Variants in MYO6 observed in about 807,000 individuals in gnomAD.
The protein encoded by MYO6 is myosin VI.
In MYO6, 74 loss-of-function variants were observed where a neutral mutation model predicts 178.7. That is an observed-to-expected ratio of 0.41 (90% CI 0.34 to 0.50). MYO6 has a LOEUF of 0.50. Ranked by LOEUF, MYO6 falls within the 20% of genes least tolerant of loss-of-function variation. The pLI is 0.09. For synonymous variants in MYO6, 477 were observed against 504.6 expected, an observed-to-expected ratio of 0.95 and a Z score of 0.73; for missense variants, 1,330 against 1,547.4, an observed-to-expected ratio of 0.86 and a Z score of 2.36.
intron 13 of MYO6, among the ~76,000 whole-genome samples, chr6:75,857,598 CAA>C (rs1562253850): frequency 6.6e-6 from 1 of 151,944 alleles, no homozygotes; most frequent in South Asian, 2.1e-4. Context: ...GATTAAATAA[CAA>C]AAAAAGATAA....
intron 1 of MYO6, among the ~76,000 whole-genome samples, chr6:75,773,479 G>T (rs1227993263): frequency 6.6e-6 from 1 of 152,234 alleles, no homozygotes; most frequent in African/African-American, 2.4e-5. Flanking sequence ...GGTGAAAACA[G>T]TAGAAGGCTT....
chr6:75,847,753 A>G (rs1562242801), intron 10 of MYO6, among the ~76,000 whole-genome samples: 1 of 152,054 alleles, frequency 6.6e-6, no homozygotes, highest in Admixed American at 6.6e-5. Flanking sequence ...ACCCCTATTT[A>G]CTACAACTTA....
chr6:75,916,079 G>A lies in MYO6; in HGVS notation c.*1067G>A, dbSNP rs955156824. The A allele has an allele frequency of 1.3e-5, 2 of 152,146 alleles. No homozygotes were observed. The highest frequency in any genetic ancestry group is 4.8e-5 in the African/African-American group (2 of 41,412). 9.4% of individuals were successfully genotyped at this position (152,146 alleles called of 1,614,324 possible). On this transcript the variant is annotated 3_prime_UTR_variant, in exon 35 of 35. Transcript: ENST00000369977. The stretch of plus-strand genomic sequence containing the variant: ...GATAATTTTAAAATGTTTTCTTTGT[G>A]TGCTGTTAGTATTGATTCAAATGTC...
chr6:75,798,190 C>A (rs559325756), intron 1 of MYO6, among the ~76,000 whole-genome samples: 10 of 152,140 alleles, frequency 6.6e-5, no homozygotes, highest in Non-Finnish European at 1.3e-4. Flanking sequence ...CAGTTTCATT[C>A]TTCTGCATAT....
chr6:75,811,782 A>G (rs777069825), intron 1 of MYO6, among the ~76,000 whole-genome samples: 3 of 152,186 alleles, frequency 2.0e-5, no homozygotes, highest in Non-Finnish European at 2.9e-5. Context: ...AACAAGGGAT[A>G]TAGTGGGGAA....
At chr6:75,773,800 T>C (rs534024014) in intron 1 of MYO6, among the ~76,000 whole-genome samples, 1 of 152,222 alleles carries the variant, frequency 6.6e-6, no homozygotes, top group South Asian at 2.1e-4. Flanking sequence ...AATACCTCTG[T>C]GAACTAATCA....
At chr6:75,830,312 T>C in intron 4 of MYO6, 104 bp from the exon 5 acceptor site, 1 of 1,041,340 alleles carries the variant, frequency 9.6e-7, no homozygotes, top group Non-Finnish European at 1.5e-6. Flanking sequence ...CTTAGTTATA[T>C]AGATAATTGA....
intron 15 of MYO6, among the ~76,000 whole-genome samples, chr6:75,861,641 C>T (rs1220876171): frequency 6.6e-6 from 1 of 152,202 alleles, no homozygotes; most frequent in East Asian, 1.9e-4. Context: ...TTTCAGTCTT[C>T]CATTTCTTTC....
At chr6:75,791,879 C>T (rs1002846627) in intron 1 of MYO6, among the ~76,000 whole-genome samples, 1 of 152,092 alleles carries the variant, frequency 6.6e-6, no homozygotes, top group African/African-American at 2.4e-5. Context: ...TTTTTTGGAA[C>T]AGAAAATTGG....
intron 26 of MYO6, 27 bp downstream of exon 26, chr6:75,890,292 A>G: frequency 6.2e-7 from 1 of 1,612,790 alleles, no homozygotes; most frequent in Non-Finnish European, 8.5e-7. Flanking sequence ...ATTTTGAATA[A>G]GAGACTTAAA....
intron 11 of MYO6, among the ~76,000 whole-genome samples, chr6:75,851,079 CTT>C (rs1267128605): frequency 2.0e-5 from 3 of 152,000 alleles, no homozygotes; most frequent in Non-Finnish European, 4.4e-5. Flanking sequence ...AAAAAAAAGT[CTT>C]TACAATAATT....
intron 5 of MYO6, 97 bp downstream of exon 5, chr6:75,830,642 G>C (rs1772987960): frequency 8.2e-7 from 1 of 1,219,224 alleles, no homozygotes; most frequent in Non-Finnish European, 1.2e-6. Context: ...ACCATAAATT[G>C]AATATATATT....
At chr6:75,836,797 G>A (rs938797082) in intron 7 of MYO6, among the ~76,000 whole-genome samples, 3 of 152,002 alleles carry the variant, frequency 2.0e-5, no homozygotes, top group African/African-American at 7.2e-5. Context: ...TGGCCAGGCT[G>A]GTCTTGAACT....
intron 14 of MYO6, among the ~76,000 whole-genome samples, 163 bp downstream of exon 14, chr6:75,859,156 C>T (rs770339836): frequency 2.0e-5 from 3 of 152,090 alleles, no homozygotes; most frequent in African/African-American, 4.8e-5. Flanking sequence ...GGCTCAGGCA[C>T]GTCAGAAGTG....
chr6:75,911,555 T>C (rs1269659383), intron 32 of MYO6, 117 bp from the exon 33 acceptor site: 1 of 860,950 alleles, frequency 1.2e-6, no homozygotes, highest in African/African-American at 1.7e-5. Context: ...GGCTTGTGGA[T>C]AGGATATTTA....
Position 75,886,856 on chromosome 6 carries a change from G to T in MYO6, c.2520G>T (p.Leu840=), listed in dbSNP as rs558060494. ...ATTATTTTTACAGCATTGATGGTCT[G>T]GTTAAGGTGGGCACACTGAAAAAAC... is the stretch of plus-strand genomic sequence containing the variant. The part of the protein sequence containing the change: ...KRRHKPRIDG[L]VKVGTLKKRL... Residue 840 remains leucine, a synonymous_variant, in exon 25 of 35, where the codon CTG becomes CTT. Transcript: ENST00000369977. 4 of 1,613,732 alleles carry T rather than the reference G, an allele frequency of 2.5e-6. No homozygotes were observed. In the African/African-American group the frequency reaches 5.3e-5, roughly 22 times the overall value.
At chr6:75,771,344 T>C (rs1373061442) in intron 1 of MYO6, among the ~76,000 whole-genome samples, 3 of 152,202 alleles carry the variant, frequency 2.0e-5, no homozygotes, top group Non-Finnish European at 1.5e-5. Context: ...AGGGTTTTTT[T>C]TAGTGGCCTC....
chr6:75,764,875 T>G (rs183186815), intron 1 of MYO6, among the ~76,000 whole-genome samples: 1 of 151,922 alleles, frequency 6.6e-6, no homozygotes, highest in Non-Finnish European at 1.5e-5. Context: ...GGCAGGCACC[T>G]GTAGTCCCAG....
intron 12 of MYO6, among the ~76,000 whole-genome samples, chr6:75,855,725 A>T (rs1180223706): frequency 6.6e-6 from 1 of 152,196 alleles, no homozygotes; most frequent in Non-Finnish European, 1.5e-5. Context: ...ATAAGGGCTT[A>T]ACCAAGATTT....
Sources: gnomAD v4.1 joint callset for allele counts (sites outside exome capture counted in the v4.1 genomes callset) on GRCh38, gnomAD v4.1.1 for gene constraint, MANE v1.5 for transcripts, NCBI Gene and HGNC (gene_info 2026-07-23, HGNC 2026-07-21) for gene names.